LDLRAD4: variants seen among roughly 807,000 people sequenced by gnomAD.
LDLRAD4 encodes the protein low-density lipoprotein receptor class A domain-containing protein 4.
Under a neutral mutation model 17.0 loss-of-function variants are expected in LDLRAD4, and 5 were observed. The ratio of observed to expected loss-of-function variants is 0.29; its 90% CI spans 0.15 to 0.62. The LOEUF is 0.62. Among genes scored for constraint, LDLRAD4 ranks in the 20% least tolerant of loss-of-function variants. The probability of loss-of-function intolerance (pLI) is 0.84; values close to 1 mark genes in which losing one functional copy is unlikely to be tolerated. For missense variants in LDLRAD4, 340 were observed against 424.7 expected, an observed-to-expected ratio of 0.80 and a Z score of 1.75; for synonymous variants, 168 against 171.8, an observed-to-expected ratio of 0.98 and a Z score of 0.17.
intron 3 of LDLRAD4, among the ~76,000 whole-genome samples, chr18:13,447,845 G>T (rs2091520235): frequency 1.3e-5 from 2 of 152,166 alleles, no homozygotes; most frequent in Non-Finnish European, 2.9e-5. Flanking sequence ...CTGTCTAGAC[G>T]CTCTCTGCCT....
At chr18:13,242,074 A>G (rs1301843363) in intron 1 of LDLRAD4, 1 of 152,268 alleles carries the variant, frequency 6.6e-6, no homozygotes, top group Non-Finnish European at 1.5e-5. Context: ...GCCAGCCACA[A>G]ACAAACACAC....
chr18:13,331,746 A>G (rs1424222815), intron 1 of LDLRAD4, among the ~76,000 whole-genome samples: 3 of 152,204 alleles, frequency 2.0e-5, no homozygotes, highest in Non-Finnish European at 4.4e-5. Flanking sequence ...TGAACAGTAT[A>G]CTTTTTGTTT....
At chr18:13,590,010 T>C (rs952765440) in intron 3 of LDLRAD4, among the ~76,000 whole-genome samples, 13 of 148,844 alleles carry the variant, frequency 8.7e-5, no homozygotes, top group Admixed American at 6.0e-4. Flanking sequence ...TGCACGTGTG[T>C]GGCTGTGCAT....
At chr18:13,498,344 CCTT>C (rs1453861605) in intron 3 of LDLRAD4, among the ~76,000 whole-genome samples, 1 of 143,780 alleles carries the variant, frequency 7.0e-6, no homozygotes, top group Non-Finnish European at 1.5e-5. Context: ...ACTGGAGAAT[CCTT>C]CTCCCCACAC....
chr18:13,578,926 C>G (rs2094817098), intron 3 of LDLRAD4, among the ~76,000 whole-genome samples: 1 of 141,338 alleles, frequency 7.1e-6, no homozygotes, highest in African/African-American at 2.6e-5. Flanking sequence ...CGCAGTGGCT[C>G]ACGCCTATAA....
At chr18:13,573,998 T>C (rs529250680) in intron 3 of LDLRAD4, among the ~76,000 whole-genome samples, 6 of 152,318 alleles carry the variant, frequency 3.9e-5, no homozygotes, top group African/African-American at 1.2e-4. Context: ...GTGAGGCTTG[T>C]GGGCTTCATG....
chr18:13,634,467 A>G (rs956834990), intron 4 of LDLRAD4, among the ~76,000 whole-genome samples: 1 of 152,250 alleles, frequency 6.6e-6, no homozygotes, highest in Non-Finnish European at 1.5e-5. Context: ...TCCATTTTCA[A>G]TAGCATCAAA....
chr18:13,486,942 G>C (rs1490341725), intron 3 of LDLRAD4: 1 of 152,164 alleles, frequency 6.6e-6, no homozygotes, highest in Non-Finnish European at 1.5e-5. Flanking sequence ...ACCCCTGCCG[G>C]TCCCACACGC....
Position 13,574,628 on chromosome 18 carries a change from T to C in LDLRAD4, c.182-46489T>C, listed in dbSNP as rs375145960. Among the ~76,000 whole-genome samples the C allele has an allele frequency of 3.3e-5, 5 of 152,330 alleles. No individual in the cohort carries two copies. In the East Asian group the frequency reaches 9.6e-4, roughly 29 times the overall value. ...TGAGAGCCCCCGGCTTTGACGCTCA[T>C]GGAGCCCTGGCATTGAGTGTGAGCA... On this transcript the variant is annotated intron_variant, in intron 3 of 5. Transcript: ENST00000359446.
intron 2 of LDLRAD4, among the ~76,000 whole-genome samples, chr18:13,417,900 A>G (rs2089068614): frequency 1.3e-5 from 2 of 151,962 alleles, no homozygotes; most frequent in Non-Finnish European, 2.9e-5. Context: ...TTTGCTATAT[A>G]CATTTTGCCA....
intron 1 of LDLRAD4, among the ~76,000 whole-genome samples, chr18:13,299,430 G>A (rs1456950626): frequency 6.6e-6 from 1 of 152,188 alleles, no homozygotes; most frequent in Non-Finnish European, 1.5e-5. Flanking sequence ...CTGGCTGCAG[G>A]GGCCAGACAC....
chr18:13,343,179 C>T (rs1361353534), intron 1 of LDLRAD4, among the ~76,000 whole-genome samples: 1 of 151,882 alleles, frequency 6.6e-6, no homozygotes, highest in Non-Finnish European at 1.5e-5. Context: ...GTGTGCTGCA[C>T]TCATTAACTC....
chr18:13,251,264 T>G (rs893923570), intron 1 of LDLRAD4, among the ~76,000 whole-genome samples: 1 of 152,194 alleles, frequency 6.6e-6, no homozygotes, highest in African/African-American at 2.4e-5. Context: ...AAACCACAGC[T>G]GACATCGTAC....
chr18:13,336,785 C>A (rs1183448506), intron 1 of LDLRAD4, among the ~76,000 whole-genome samples: 1 of 151,958 alleles, frequency 6.6e-6, no homozygotes, highest in Non-Finnish European at 1.5e-5. Flanking sequence ...CCCTCCCTCT[C>A]TTCTGTCTTC....
chr18:13,569,095 A>G (rs563745073), intron 3 of LDLRAD4, among the ~76,000 whole-genome samples: 5 of 152,240 alleles, frequency 3.3e-5, no homozygotes, highest in Non-Finnish European at 5.9e-5. Flanking sequence ...TAAGAAGCTA[A>G]GAGAAGTTGT....
At chr18:13,224,474 C>CGTTTTTTTTTT (rs1190188385) in intron 1 of LDLRAD4, among the ~76,000 whole-genome samples, 1 of 87,880 alleles carries the variant, frequency 1.1e-5, no homozygotes, top group African/African-American at 4.6e-5. Flanking sequence ...TTCTTTCTTT[C>CGTTTTTTTTTT]TTTTTTTTTT....
At chr18:13,400,419 A>G (rs1478237479) in intron 2 of LDLRAD4, among the ~76,000 whole-genome samples, 2 of 152,212 alleles carry the variant, frequency 1.3e-5, no homozygotes, top group African/African-American at 4.8e-5. Context: ...GTCAGAGTCC[A>G]GGGGTGAGGG....
chr18:13,646,710 A>G (rs1601910382), exon 6 of LDLRAD4: 2 of 152,606 alleles, frequency 1.3e-5, no homozygotes, highest in South Asian at 2.1e-4. Flanking sequence ...ACCTTATTTT[A>G]TGCAATAAAT....
chr18:13,351,766 G>A (rs1216271926), intron 1 of LDLRAD4, among the ~76,000 whole-genome samples: 3 of 152,102 alleles, frequency 2.0e-5, no homozygotes, highest in Admixed American at 2.0e-4. Flanking sequence ...CATTTTATGA[G>A]GCCAGCATCA....
Sources: gnomAD v4.1 joint callset for allele counts (sites outside exome capture counted in the v4.1 genomes callset) on GRCh38, gnomAD v4.1.1 for gene constraint, MANE v1.5 for transcripts, NCBI Gene and HGNC (gene_info 2026-07-23, HGNC 2026-07-21) for gene names.